The following ZBTB20 variants were observed in gnomAD, a reference collection of about 807,000 sequenced individuals.
The protein encoded by ZBTB20 is zinc finger and BTB domain containing 20.
In ZBTB20, 9 loss-of-function variants were observed where a neutral mutation model predicts 56.9. The ratio of observed to expected loss-of-function variants is 0.16; its 90% confidence interval spans 0.10 to 0.28. ZBTB20 has a LOEUF of 0.28. Among genes scored for constraint, ZBTB20 ranks in the 10% least tolerant of loss-of-function variants. The probability of loss-of-function intolerance (pLI) is 1.00; values close to 1 mark genes in which losing one functional copy is unlikely to be tolerated. For synonymous variants in ZBTB20, 417 were observed against 420.7 expected (o/e 0.99, Z 0.11); for missense variants, 655 against 1,003.0 (o/e 0.65, Z 4.69).
In ZBTB20 at chr3:114,931,462, G is replaced by A. The variant is rs1277325808; in HGVS notation, c.-455-31120C>T. 4.6e-5 allele frequency: 8 copies of A among 174,920 alleles called. No individual in the cohort carries two copies. The East Asian group carries it at 7.0e-4, about 15-fold the overall frequency. 10.8% of individuals were successfully genotyped at this position (174,920 alleles called of 1,614,324 possible). On this transcript the variant is annotated intron_variant, in intron 3 of 11. Coordinates refer to ENST00000675478, the MANE Select transcript of ZBTB20 (RefSeq NM_001348800.3). ...GGCAGAAGAAGGTTGAGTAAATGCC[G>A]GTTTACCATCTCCACCATCATCCAG...
At chr3:114,390,350 A>C (rs1407196865) in intron 7 of ZBTB20, among the ~76,000 whole-genome samples, 2 of 152,042 alleles carry the variant, frequency 1.3e-5, no homozygotes, top group Non-Finnish European at 2.9e-5. Flanking sequence ...ATTTCATTTC[A>C]GTCTCTCTCT....
chr3:114,344,542 T>C (rs752021704), intron 11 of ZBTB20, among the ~76,000 whole-genome samples: 1 of 152,260 alleles, frequency 6.6e-6, no homozygotes, highest in African/African-American at 2.4e-5. Context: ...TGTTTTCACA[T>C]AAATTATGTT....
intron 4 of ZBTB20, among the ~76,000 whole-genome samples, chr3:114,808,678 A>G (rs1242157463): frequency 6.6e-6 from 1 of 151,788 alleles, no homozygotes; most frequent in African/African-American, 2.4e-5. Flanking sequence ...TATTTCATTG[A>G]TTTCTGTTCT....
chr3:114,502,445 G>A (rs1236035633), intron 6 of ZBTB20, among the ~76,000 whole-genome samples: 4 of 152,020 alleles, frequency 2.6e-5, no homozygotes, highest in Non-Finnish European at 4.4e-5. Flanking sequence ...GATGCAGGAT[G>A]GTGACAAGAC....
chr3:114,570,730 T>C (rs1479693574), intron 6 of ZBTB20, among the ~76,000 whole-genome samples: 1 of 152,196 alleles, frequency 6.6e-6, no homozygotes, highest in African/African-American at 2.4e-5. Flanking sequence ...CATTCATTCA[T>C]TGCATTACAT....
chr3:114,348,088 G>T (rs1000313296), intron 11 of ZBTB20, among the ~76,000 whole-genome samples: 1 of 152,098 alleles, frequency 6.6e-6, no homozygotes, highest in African/African-American at 2.4e-5. Flanking sequence ...ATACTTTTTG[G>T]TAGTACATTG....
At chr3:114,719,056 C>G (rs1238941439) in intron 5 of ZBTB20, among the ~76,000 whole-genome samples, 1 of 151,008 alleles carries the variant, frequency 6.6e-6, no homozygotes, top group Non-Finnish European at 1.5e-5. Flanking sequence ...AAATTTAACT[C>G]AAAACTCCAC....
At chr3:115,006,234 G>A (rs994049871) in intron 2 of ZBTB20, among the ~76,000 whole-genome samples, 1 of 151,474 alleles carries the variant, frequency 6.6e-6, no homozygotes, top group Non-Finnish European at 1.5e-5. Context: ...TATGTACAAT[G>A]AACTAGTTTG....
intron 5 of ZBTB20, among the ~76,000 whole-genome samples, chr3:114,789,323 T>C (rs2070773833): frequency 6.6e-6 from 1 of 152,162 alleles, no homozygotes; most frequent in Admixed American, 6.6e-5. Context: ...AAAAATGGTT[T>C]CCAATGTGAA....
intron 3 of ZBTB20, among the ~76,000 whole-genome samples, chr3:114,950,114 GAAC>G (rs2077014287): frequency 6.6e-6 from 1 of 152,074 alleles, no homozygotes; most frequent in Non-Finnish European, 1.5e-5. Context: ...TCGACGAGTA[GAAC>G]AATAGGATCT....
At chr3:114,672,460 T>G (rs1250329726) in intron 6 of ZBTB20, among the ~76,000 whole-genome samples, 1 of 152,120 alleles carries the variant, frequency 6.6e-6, no homozygotes, top group African/African-American at 2.4e-5. Context: ...ACTTGTTGGC[T>G]ACAGGGAACA....
intron 7 of ZBTB20, among the ~76,000 whole-genome samples, chr3:114,469,586 C>T (rs894395538): frequency 6.6e-6 from 1 of 152,138 alleles, no homozygotes; most frequent in Non-Finnish European, 1.5e-5. Flanking sequence ...TCAGCCCAAG[C>T]CCAACATTTC....
At chr3:114,927,419 T>C (rs567515055) in intron 3 of ZBTB20, among the ~76,000 whole-genome samples, 43 of 152,226 alleles carry the variant, frequency 2.8e-4, no homozygotes, top group African/African-American at 9.4e-4. Flanking sequence ...GTCATGGGCA[T>C]GTGTCCTTAA....
intron 6 of ZBTB20, among the ~76,000 whole-genome samples, chr3:114,510,126 A>C (rs1240086848): frequency 6.6e-6 from 1 of 152,190 alleles, no homozygotes; most frequent in Non-Finnish European, 1.5e-5. Context: ...TGAGACCTCA[A>C]AAATAAGGCT....
intron 1 of ZBTB20, among the ~76,000 whole-genome samples, chr3:115,133,160 T>C (rs2084556126): frequency 6.6e-6 from 1 of 152,182 alleles, no homozygotes; most frequent in Non-Finnish European, 1.5e-5. Context: ...TGGTCAAATT[T>C]CTAATCTTTT....
intron 5 of ZBTB20, among the ~76,000 whole-genome samples, chr3:114,731,965 G>A (rs150564707): frequency 3.9e-5 from 6 of 152,166 alleles, no homozygotes; most frequent in Non-Finnish European, 8.8e-5. Context: ...GCCTAGATTA[G>A]TTACTAATCT....
chr3:115,048,051 C>G (rs1490002480), intron 2 of ZBTB20, among the ~76,000 whole-genome samples: 1 of 151,186 alleles, frequency 6.6e-6, no homozygotes, highest in East Asian at 1.9e-4. Context: ...AAACCCCAGT[C>G]TCTACTAAAA....
chr3:114,756,729 T>A (rs1578728870), intron 5 of ZBTB20, among the ~76,000 whole-genome samples: 1 of 152,158 alleles, frequency 6.6e-6, no homozygotes, highest in Non-Finnish European at 1.5e-5. Context: ...CTGAGAATGA[T>A]CCAGCCAGTC....
intron 1 of ZBTB20, among the ~76,000 whole-genome samples, chr3:115,096,646 A>G (rs567433991): frequency 6.6e-6 from 1 of 152,314 alleles, no homozygotes; most frequent in South Asian, 2.1e-4. Context: ...CTGCTTCAAC[A>G]TACCTTGCCA....
Sources: gnomAD v4.1 joint callset for allele counts (sites outside exome capture counted in the v4.1 genomes callset) on GRCh38, gnomAD v4.1.1 for gene constraint, MANE v1.5 for transcripts, NCBI Gene and HGNC (gene_info 2026-07-23, HGNC 2026-07-21) for gene names.